The following FOXP1 variants were observed in gnomAD, a reference collection of about 807,000 sequenced individuals.
The protein encoded by FOXP1 is forkhead box P1, also known as forkhead box protein P1.
In FOXP1, 15 loss-of-function variants were observed where a neutral mutation model predicts 98.2. The ratio of observed to expected loss-of-function variants is 0.15; its 90% CI spans 0.10 to 0.24. The LOEUF (loss-of-function observed/expected upper bound fraction) is 0.24, where lower values mean the gene tolerates loss of function less well. Ranked by LOEUF, FOXP1 falls within the 10% of genes least tolerant of loss-of-function variation. The pLI is 1.00. For synonymous variants in FOXP1, 371 were observed against 314.5 expected (o/e 1.18, Z -1.90); for missense variants, 633 against 848.5 (o/e 0.75, Z 3.15).
intron 3 of FOXP1, among the ~76,000 whole-genome samples, chr3:71,458,476 C>T (rs989153003): frequency 9.9e-5 from 15 of 152,090 alleles, no homozygotes; most frequent in Admixed American, 7.9e-4. Flanking sequence ...TCAGATCAAA[C>T]GAAATATACA....
chr3:71,182,459 T>C (rs950342374), intron 6 of FOXP1, among the ~76,000 whole-genome samples: 1 of 152,012 alleles, frequency 6.6e-6, no homozygotes, highest in African/African-American at 2.4e-5. Context: ...ATACATGTTA[T>C]TGTAGAAATT....
At chr3:71,400,836 T>C (rs1560431106) in intron 3 of FOXP1, among the ~76,000 whole-genome samples, 1 of 152,094 alleles carries the variant, frequency 6.6e-6, no homozygotes, top group Non-Finnish European at 1.5e-5. Context: ...CCCCCTGCAA[T>C]TTTTTTGAGG....
chr3:71,088,095 G>C (rs576664353), intron 7 of FOXP1, among the ~76,000 whole-genome samples: 1 of 152,336 alleles, frequency 6.6e-6, no homozygotes, highest in East Asian at 1.9e-4. Flanking sequence ...GCAGTGGTGA[G>C]AACCAAGATG....
At chr3:71,309,109 A>G (rs1339913303) in intron 4 of FOXP1, among the ~76,000 whole-genome samples, 1 of 152,170 alleles carries the variant, frequency 6.6e-6, no homozygotes, top group East Asian at 1.9e-4. Context: ...AAGTAATGGA[A>G]AAAGTTAAAT....
chr3:71,168,802 T>C (rs1435498053), intron 6 of FOXP1, among the ~76,000 whole-genome samples: 1 of 152,254 alleles, frequency 6.6e-6, no homozygotes, highest in African/African-American at 2.4e-5. Flanking sequence ...TTGCACTGTT[T>C]AAAGTGATGA....
At chr3:71,067,703 C>T (rs2052688803) in intron 7 of FOXP1, among the ~76,000 whole-genome samples, 2 of 143,936 alleles carry the variant, frequency 1.4e-5, no homozygotes, top group Admixed American at 7.1e-5. Flanking sequence ...CCACCCTGGG[C>T]AACACAGTGG....
At chr3:71,148,143 G>A (rs1167992625) in intron 6 of FOXP1, among the ~76,000 whole-genome samples, 3 of 152,194 alleles carry the variant, frequency 2.0e-5, no homozygotes, top group African/African-American at 4.8e-5. Flanking sequence ...TTGGGAGGCC[G>A]AGGCAGGCAG....
chr3:71,396,312 C>T (rs1223332284), intron 3 of FOXP1, among the ~76,000 whole-genome samples: 1 of 152,076 alleles, frequency 6.6e-6, no homozygotes, highest in Non-Finnish European at 1.5e-5. Context: ...TGCAACCATA[C>T]CTAGCAGAAA....
intron 5 of FOXP1, among the ~76,000 whole-genome samples, chr3:71,256,695 T>C (rs897959493): frequency 1.3e-5 from 2 of 152,168 alleles, no homozygotes. Flanking sequence ...CACTTCAATG[T>C]TCTTTTAAGG....
intron 19 of FOXP1, chr3:70,968,252 G>C (rs1402890739): frequency 6.6e-6 from 1 of 152,088 alleles, no homozygotes; most frequent in African/African-American, 2.4e-5. Flanking sequence ...AGAGATCCCA[G>C]TGCCTGATCC....
At chr3:71,018,829 T>C (rs1559734373) in intron 11 of FOXP1, among the ~76,000 whole-genome samples, 1 of 152,228 alleles carries the variant, frequency 6.6e-6, no homozygotes, top group Non-Finnish European at 1.5e-5. Context: ...GTTTTAATTT[T>C]GCACATTGTA....
chr3:70,999,527 T>C (rs1444403472), intron 13 of FOXP1, among the ~76,000 whole-genome samples: 2 of 152,226 alleles, frequency 1.3e-5, no homozygotes, highest in African/African-American at 4.8e-5. Context: ...AATGTTGAGA[T>C]TTTATGATGT....
intron 6 of FOXP1, among the ~76,000 whole-genome samples, chr3:71,137,075 A>AAAGAGAAGGC (rs1157206897): frequency 6.6e-6 from 1 of 152,210 alleles, no homozygotes; most frequent in Non-Finnish European, 1.5e-5. Flanking sequence ...GCAGGGATGG[A>AAAGAGAAGGC]AAGAGAAGGC....
chr3:71,313,057 C>CTTTTTTT (rs1227506558), intron 4 of FOXP1, among the ~76,000 whole-genome samples: 1 of 119,020 alleles, frequency 8.4e-6, no homozygotes, highest in African/African-American at 3.2e-5. Context: ...AACTTTAATT[C>CTTTTTTT]TTTTTTTTTT....
At chr3:70,984,100 T>C (rs915064196) in intron 14 of FOXP1, among the ~76,000 whole-genome samples, 2 of 152,226 alleles carry the variant, frequency 1.3e-5, no homozygotes, top group African/African-American at 4.8e-5. Flanking sequence ...AATGTGGCCA[T>C]TCTAAATGTA....
chr3:71,310,914 C>T (rs899770995), intron 4 of FOXP1, among the ~76,000 whole-genome samples: 2 of 152,154 alleles, frequency 1.3e-5, no homozygotes, highest in African/African-American at 4.8e-5. Context: ...TGGCTCTTGG[C>T]GGTTCCCACT....
At chr3:71,384,981 G>C (rs902818897) in intron 3 of FOXP1, among the ~76,000 whole-genome samples, 2 of 151,954 alleles carry the variant, frequency 1.3e-5, no homozygotes, top group African/African-American at 2.4e-5. Flanking sequence ...AAACAGACTT[G>C]AGCAATAATA....
intron 3 of FOXP1, among the ~76,000 whole-genome samples, chr3:71,386,672 G>C (rs1013787000): frequency 9.3e-5 from 14 of 150,146 alleles, no homozygotes; most frequent in Non-Finnish European, 1.0e-4. Context: ...GAACCCGGGA[G>C]GCAGAGGTTA....
At chr3:71,321,304 G>C (rs1417534749) in intron 4 of FOXP1, among the ~76,000 whole-genome samples, 2 of 152,138 alleles carry the variant, frequency 1.3e-5, no homozygotes, top group Non-Finnish European at 1.5e-5. Flanking sequence ...TCAAAACAGT[G>C]TGGAAGAAAG....
Sources: gnomAD v4.1 joint callset for allele counts (sites outside exome capture counted in the v4.1 genomes callset) on GRCh38, gnomAD v4.1.1 for gene constraint, MANE v1.5 for transcripts, NCBI Gene and HGNC (gene_info 2026-07-23, HGNC 2026-07-21) for gene names.